Variants in SEL1L3 observed in about 807,000 individuals in gnomAD.
SEL1L3 encodes SEL1L family member 3, also known as protein sel-1 homolog 3.
Under a neutral mutation model 142.8 loss-of-function variants are expected in SEL1L3, and 76 were observed. That is an observed-to-expected ratio of 0.53 (90% confidence interval 0.44 to 0.64). SEL1L3 has a LOEUF of 0.64. Ranked by LOEUF, SEL1L3 falls within the 30% of genes least tolerant of loss-of-function variation. SEL1L3 has a pLI of 0.00. For missense variants in SEL1L3, 1,262 were observed against 1,381.7 expected (o/e 0.91, Z 1.37); for synonymous variants, 504 against 519.6 (o/e 0.97, Z 0.41).
intron 10 of SEL1L3, among the ~76,000 whole-genome samples, chr4:25,803,832 T>C (rs1252575614): frequency 6.6e-6 from 1 of 152,106 alleles, no homozygotes; most frequent in Non-Finnish European, 1.5e-5. Context: ...GGACTGGAAT[T>C]TATGGCCTCA....
chr4:25,836,896 C>G (rs1343812370), intron 2 of SEL1L3, among the ~76,000 whole-genome samples: 1 of 152,108 alleles, frequency 6.6e-6, no homozygotes, highest in East Asian at 1.9e-4. Context: ...CTCTGGTTTA[C>G]TACAATTTGG....
At position 25,748,155 on chromosome 4, in the gene SEL1L3, A is replaced by C. The variant is rs1199420084; in HGVS notation, c.*270T>G. 4.5e-6 allele frequency: 2 copies of C among 444,874 alleles called. No individual in the cohort carries two copies. Among genetic ancestry groups the C allele is most frequent in the Non-Finnish European group, 8.2e-6 (2 of 244,584 alleles). 27.6% of individuals were successfully genotyped at this position (444,874 alleles called of 1,614,324 possible). On this transcript the variant is annotated 3_prime_UTR_variant, in exon 24 of 24. Transcript: ENST00000399878. The stretch of plus-strand genomic sequence containing the variant: ...ACTCCTAATACATACAATCACTAGA[A>C]CAAAAGTCTGTGATGGCCCAGTAAA...
chr4:25,803,755 C>A (rs149142961), intron 10 of SEL1L3, among the ~76,000 whole-genome samples: 10 of 151,746 alleles, frequency 6.6e-5, no homozygotes, highest in Non-Finnish European at 1.3e-4. Context: ...CTGCTTGAGG[C>A]AGGAAGACAT....
intron 9 of SEL1L3, among the ~76,000 whole-genome samples, chr4:25,805,199 T>A (rs1263603056): frequency 2.0e-5 from 3 of 152,220 alleles, no homozygotes; most frequent in East Asian, 3.8e-4. Flanking sequence ...TTTCTAGACA[T>A]CTTTTGTCCC....
intron 9 of SEL1L3, among the ~76,000 whole-genome samples, chr4:25,808,497 G>A (rs537928510): frequency 2.6e-5 from 4 of 152,266 alleles, no homozygotes; most frequent in South Asian, 2.1e-4. Flanking sequence ...GCGTCTGTTC[G>A]AGAATTCAGG....
intron 2 of SEL1L3, among the ~76,000 whole-genome samples, chr4:25,838,960 A>G (rs1191903089): frequency 6.6e-6 from 1 of 152,250 alleles, no homozygotes; most frequent in African/African-American, 2.4e-5. Flanking sequence ...CTTCGAACAC[A>G]CAGCAATGAA....
At chr4:25,832,189 A>C (rs1715491809) in intron 5 of SEL1L3, among the ~76,000 whole-genome samples, 1 of 152,222 alleles carries the variant, frequency 6.6e-6, no homozygotes. Flanking sequence ...CTTTTCTCTT[A>C]CAGAAAAAGG....
At chr4:25,762,697 G>A (rs1392363048) in intron 20 of SEL1L3, among the ~76,000 whole-genome samples, 2 of 152,148 alleles carry the variant, frequency 1.3e-5, no homozygotes, top group African/African-American at 4.8e-5. Flanking sequence ...AAAGTGACCG[G>A]TGGCCAGGTG....
intron 9 of SEL1L3, 61 bp downstream of exon 9, chr4:25,818,077 A>G: frequency 6.4e-7 from 1 of 1,551,428 alleles, no homozygotes; most frequent in Non-Finnish European, 8.7e-7. Context: ...GGTGAGTGAA[A>G]CAGAGAAAAA....
intron 1 of SEL1L3, among the ~76,000 whole-genome samples, chr4:25,855,111 G>A (rs1461184191): frequency 2.0e-5 from 3 of 152,226 alleles, no homozygotes; most frequent in African/African-American, 2.4e-5. Context: ...ACCACGAGTC[G>A]TGGCTACCTT....
At chr4:25,799,259 G>C (rs9968364) in intron 11 of SEL1L3, among the ~76,000 whole-genome samples, 88,936 of 151,776 alleles carry the variant, frequency 0.59, 27,131 homozygotes, top group South Asian at 0.76. Context: ...ATTTTTAGTA[G>C]AGATGGGGTC....
chr4:25,856,678 T>C (rs1717290016), intron 1 of SEL1L3, among the ~76,000 whole-genome samples: 2 of 151,358 alleles, frequency 1.3e-5, no homozygotes, highest in South Asian at 4.2e-4. Flanking sequence ...TCTAAATGCA[T>C]TGAACTCAGC....
At chr4:25,732,240 A>T in the SEL1L3 span, among the ~76,000 whole-genome samples, 95 of 152,238 alleles carry the variant, frequency 6.2e-4, no homozygotes, top group Non-Finnish European at 1.2e-3. Flanking sequence ...AAATAAAAAT[A>T]CAAGGCATCC....
rs111533756 is a variant in SEL1L3 at position 25,838,252 on chromosome 4, T to TAAAC, written c.734-2933_734-2930dup. 4.6e-5 allele frequency among the ~76,000 whole-genome samples: 7 copies of TAAAC among 152,310 alleles called. No homozygotes were observed. In the South Asian group the frequency reaches 8.3e-4, roughly 18 times the overall value. On this transcript the variant is annotated intron_variant, in intron 2 of 23. Coordinates refer to ENST00000399878, the MANE Select transcript of SEL1L3 (RefSeq NM_015187.5). ...CTTATTTTGCATGAAGAGCTTAGGT[T>TAAAC]AAACAAACAAACAAACAAAGACACC...
chr4:25,833,001 T>C lies in SEL1L3; in HGVS notation c.1092A>G (p.Gly364=). Residue 364 remains glycine, a synonymous_variant, in exon 5 of 24, where the codon GGA becomes GGG. Coordinates refer to ENST00000399878, the MANE Select transcript of SEL1L3 (RefSeq NM_015187.5). The part of the protein sequence containing the change: ...EWFRLDISFN[G]GQIVVTTSIG... ...GAAGCGTGCATACAGATACCTGGCCTCCGTTAAAAGAGATATCCAGTCGAA... is the reference window on the plus strand; with the variant it reads ...GAAGCGTGCATACAGATACCTGGCCCCCGTTAAAAGAGATATCCAGTCGAA... The C allele has an allele frequency of 1.9e-6, 3 of 1,584,082 alleles. No homozygotes were observed. The South Asian group carries it at 3.3e-5, about 18-fold the overall frequency.
At chr4:25,764,187 C>T (rs188487256) in intron 20 of SEL1L3, among the ~76,000 whole-genome samples, 2 of 152,290 alleles carry the variant, frequency 1.3e-5, no homozygotes, top group Non-Finnish European at 2.9e-5. Context: ...AGGTACCTAA[C>T]AAGCATTCTT....
chr4:25,863,229 C>A, upstream of SEL1L3, among the ~76,000 whole-genome samples: 1 of 114,916 alleles, frequency 8.7e-6, no homozygotes, highest in Non-Finnish European at 1.9e-5. Flanking sequence ...CGGCGCACCC[C>A]CCTTTCCCTT....
intron 23 of SEL1L3, among the ~76,000 whole-genome samples, chr4:25,752,013 G>C (rs1039484468): frequency 6.6e-6 from 1 of 150,820 alleles, no homozygotes; most frequent in African/African-American, 2.4e-5. Context: ...GGAGGCTGAG[G>C]CAGGAGAATC....
chr4:25,844,797 C>T (rs1488875427), intron 2 of SEL1L3, among the ~76,000 whole-genome samples: 1 of 152,192 alleles, frequency 6.6e-6, no homozygotes, highest in African/African-American at 2.4e-5. Context: ...GAAGGTATTC[C>T]AGACAGATGC....
Sources: allele counts gnomAD v4.1 joint callset (sites outside exome capture counted in the v4.1 genomes callset), GRCh38; gene constraint gnomAD v4.1.1; transcripts MANE v1.5; gene names NCBI Gene and HGNC (gene_info 2026-07-23, HGNC 2026-07-21).